The following TEKT3 variants were observed in gnomAD, a reference collection of about 807,000 sequenced individuals.
The protein encoded by TEKT3 is tektin 3.
Under a neutral mutation model 49.8 loss-of-function variants are expected in TEKT3, and 49 were observed. The ratio of observed to expected loss-of-function variants is 0.98; its 90% CI spans 0.78 to 1.25. The LOEUF (loss-of-function observed/expected upper bound fraction) is 1.25, where lower values mean the gene tolerates loss of function less well. Ranked by LOEUF, TEKT3 falls within the 50% of genes most tolerant of loss-of-function variation. The pLI is 0.00. For missense variants in TEKT3, 595 were observed against 629.5 expected, an observed-to-expected ratio of 0.95 and a Z score of 0.59; for synonymous variants, 225 against 237.2, an observed-to-expected ratio of 0.95 and a Z score of 0.47.
intron 2 of TEKT3, among the ~76,000 whole-genome samples, chr17:15,332,094 G>A (rs230905): frequency 0.094 from 14,010 of 149,690 alleles, 814 homozygotes; most frequent in East Asian, 0.23. Flanking sequence ...CAGGAGAATC[G>A]CTTGAACCTG....
chr17:15,318,039 G>C (rs1011727856), intron 5 of TEKT3, among the ~76,000 whole-genome samples: 4 of 142,370 alleles, frequency 2.8e-5, no homozygotes, highest in Admixed American at 7.5e-5. Context: ...GCCCAGGCTA[G>C]AGTGCAGTGG....
In TEKT3 at chr17:15,304,091, C is replaced by G; in HGVS notation, c.1318G>C (p.Asp440His). ...TIQTLQQRLR[D>H]AEDTLQSLVH... Reference sequence around the variant, plus strand: ...AGCGACTGCAGGGTGTCCTCTGCATCCCTCAGGCGCTGCTGCAGGGTCTGG... The same window carrying G: ...AGCGACTGCAGGGTGTCCTCTGCATGCCTCAGGCGCTGCTGCAGGGTCTGG... Residue 440 changes from aspartate (D) to histidine (H), a missense_variant, in exon 9 of 9, where the codon GAT becomes CAT. Asp to His is a moderately conservative substitution (Grantham distance 81). Coordinates refer to ENST00000395930, the MANE Select transcript of TEKT3 (RefSeq NM_031898.3). The surrounding 1 kb of genome is among the most constrained non-coding windows in gnomAD (Gnocchi z 4.7). 1 of 1,614,168 alleles carries G rather than the reference C, an allele frequency of 6.2e-7. No homozygotes were observed. Among genetic ancestry groups the G allele is most frequent in the South Asian group, 1.1e-5 (1 of 91,076 alleles).
chr17:15,312,515 G>C, intron 6 of TEKT3, 34 bp from the exon 7 acceptor site: 5 of 1,594,000 alleles, frequency 3.1e-6, no homozygotes, highest in Non-Finnish European at 4.3e-6. Context: ...ACAACAGTGA[G>C]AGTGATGAAT....
chr17:15,326,438 G>C (rs1911493178), intron 4 of TEKT3, among the ~76,000 whole-genome samples: 1 of 152,318 alleles, frequency 6.6e-6, no homozygotes, highest in Non-Finnish European at 1.5e-5. Flanking sequence ...AGTCAAGGAA[G>C]AGTTCATAGC....
intron 5 of TEKT3, among the ~76,000 whole-genome samples, chr17:15,315,957 C>CA (rs879436953): frequency 6.6e-6 from 1 of 152,210 alleles, no homozygotes; most frequent in Non-Finnish European, 1.5e-5. Flanking sequence ...GCTGCAGGTT[C>CA]CCTTCAACTT....
chr17:15,315,052 T>C (rs566784498), intron 5 of TEKT3, among the ~76,000 whole-genome samples: 2 of 152,302 alleles, frequency 1.3e-5, no homozygotes, highest in South Asian at 4.1e-4. Flanking sequence ...GTGCCTCCTA[T>C]GTGGCAGACA....
At chr17:15,307,696 A>G (rs981199271) in intron 8 of TEKT3, among the ~76,000 whole-genome samples, 3 of 152,156 alleles carry the variant, frequency 2.0e-5, no homozygotes, top group Non-Finnish European at 4.4e-5. Flanking sequence ...TTTATCGTGG[A>G]AGCAGAGCGA....
At chr17:15,314,040 G>C (rs774026618) in intron 6 of TEKT3, 47 bp downstream of exon 6, 1 of 1,612,934 alleles carries the variant, frequency 6.2e-7, no homozygotes, top group Non-Finnish European at 8.5e-7. Context: ...AAAGGAGAAA[G>C]AGTTAAATGA....
intron 7 of TEKT3, chr17:15,310,971 G>C (rs1006460866): frequency 6.6e-6 from 1 of 152,038 alleles, no homozygotes; most frequent in Non-Finnish European, 1.5e-5. Flanking sequence ...TGTCTCCAAG[G>C]CTTTCTTCAA....
At position 15,327,870 on chromosome 17, in the gene TEKT3, CATCT is replaced by C; in HGVS notation, c.663+118_663+121del. ...ACATGTCTTTGCTAAATGCTATCAG[CATCT>C]GATACGATAATGCTTTACTTATAAG... is the stretch of plus-strand genomic sequence containing the variant. On this transcript the variant is annotated intron_variant, in intron 4 of 8. Transcript: ENST00000395930. 4.0e-6 allele frequency: 3 copies of C among 759,136 alleles called. No individual in the cohort carries two copies. The Admixed American group carries it at 6.0e-5, about 15-fold the overall frequency. 47.0% of individuals were successfully genotyped at this position (759,136 alleles called of 1,614,324 possible). A position where few individuals can be genotyped will look rare whatever the true frequency, so the allele number is the denominator to read the frequency against.
chr17:15,332,982 A>C (rs115938289), intron 2 of TEKT3, among the ~76,000 whole-genome samples: 2 of 151,942 alleles, frequency 1.3e-5, no homozygotes, highest in African/African-American at 2.4e-5. Flanking sequence ...TTAATACAAA[A>C]ACTGAATTAT....
At chr17:15,306,286 C>T (rs1380189) in intron 8 of TEKT3, among the ~76,000 whole-genome samples, 1 of 152,178 alleles carries the variant, frequency 6.6e-6, no homozygotes, top group East Asian at 1.9e-4. Context: ...AGCAATTTTT[C>T]TCAGTCCCCA....
At chr17:15,312,800 A>G (rs1261841479) in intron 6 of TEKT3, among the ~76,000 whole-genome samples, 3 of 152,242 alleles carry the variant, frequency 2.0e-5, no homozygotes, top group Admixed American at 1.3e-4. Flanking sequence ...GCATATGACA[A>G]AATACTCAGC....
chr17:15,334,131 T>G (rs1007633138), intron 2 of TEKT3, among the ~76,000 whole-genome samples: 5 of 152,020 alleles, frequency 3.3e-5, no homozygotes, highest in Admixed American at 6.5e-5. Flanking sequence ...GCATGATCAC[T>G]GCTCACTGCA....
chr17:15,337,002 T>C (rs912924858), intron 2 of TEKT3, among the ~76,000 whole-genome samples: 1 of 152,140 alleles, frequency 6.6e-6, no homozygotes, highest in African/African-American at 2.4e-5. Flanking sequence ...AAGCTAAAAA[T>C]TACTTTGCCA....
In TEKT3 at chr17:15,308,724, C is replaced by T; in HGVS notation, c.1196G>A (p.Arg399Lys). ...CGGCCGTCTTGTGCGCTCATCCAGT[C>T]TGGTCTGAGCCACCTTCAGGAAGGC... is the stretch of plus-strand genomic sequence containing the variant. ...KTAFLKVAQTRLDERTRRPNI... is the reference protein window; with the variant it reads ...KTAFLKVAQTKLDERTRRPNI... Residue 399 changes from arginine (R) to lysine (K), a missense_variant, in exon 8 of 9, where the codon AGA becomes AAA. Transcript: ENST00000395930. 1 of 1,613,944 alleles carries T rather than the reference C, an allele frequency of 6.2e-7. No homozygotes were observed. The highest frequency in any genetic ancestry group is 8.5e-7 in the Non-Finnish European group (1 of 1,180,030).
chr17:15,311,250 G>T (rs527724544), intron 7 of TEKT3: 1 of 152,130 alleles, frequency 6.6e-6, no homozygotes, highest in Non-Finnish European at 1.5e-5. Flanking sequence ...AAAGTAAATC[G>T]CTGCAGCCTG....
At chr17:15,319,838 T>G (rs529598009) in intron 4 of TEKT3, among the ~76,000 whole-genome samples, 1 of 152,350 alleles carries the variant, frequency 6.6e-6, no homozygotes, top group East Asian at 1.9e-4. Context: ...CTATGCACGT[T>G]AGAAAATGTA....
chr17:15,329,989 C>CT (rs1165824182), intron 3 of TEKT3, among the ~76,000 whole-genome samples: 1 of 152,116 alleles, frequency 6.6e-6, no homozygotes, highest in Non-Finnish European at 1.5e-5. Context: ...ATCGCATAGC[C>CT]TGAGGGTTAG....
Sources: allele counts gnomAD v4.1 joint callset (sites outside exome capture counted in the v4.1 genomes callset), GRCh38; gene constraint gnomAD v4.1.1; non-coding constraint Gnocchi (gnomAD v3.1); transcripts MANE v1.5; gene names NCBI Gene and HGNC (gene_info 2026-07-23, HGNC 2026-07-21).